The following CNTNAP5 variants were observed in gnomAD, a reference collection of about 807,000 sequenced individuals.
The protein encoded by CNTNAP5 is contactin-associated protein-like 5.
Under a neutral mutation model 150.2 loss-of-function variants are expected in CNTNAP5, and 72 were observed. That is an observed-to-expected ratio of 0.48 (90% CI 0.40 to 0.58). The LOEUF (loss-of-function observed/expected upper bound fraction) is 0.58. CNTNAP5 is among the 20% of genes least tolerant of loss of function. The probability of loss-of-function intolerance (pLI) is 0.00; values close to 1 mark genes in which losing one functional copy is unlikely to be tolerated. For missense variants in CNTNAP5, 1,636 were observed against 1,626.2 expected (o/e 1.01, Z -0.10); for synonymous variants, 672 against 619.8 (o/e 1.08, Z -1.25).
At chr2:124,880,803 A>C (rs1009612082) in intron 21 of CNTNAP5, among the ~76,000 whole-genome samples, 27 of 152,166 alleles carry the variant, frequency 1.8e-4, no homozygotes, top group African/African-American at 6.3e-4. Context: ...TAAGTGCTTT[A>C]CAGATGGAGT....
At chr2:124,454,787 A>G (rs1181404533) in intron 6 of CNTNAP5, among the ~76,000 whole-genome samples, 1 of 152,164 alleles carries the variant, frequency 6.6e-6, no homozygotes, top group African/African-American at 2.4e-5. Context: ...CCACTCCTGA[A>G]TGATCATTTG....
chr2:124,621,383 A>T (rs2104997299), intron 12 of CNTNAP5, among the ~76,000 whole-genome samples: 1 of 152,280 alleles, frequency 6.6e-6, no homozygotes, highest in African/African-American at 2.4e-5. Flanking sequence ...AGCGAAACTT[A>T]TTTTCCATTC....
At chr2:124,685,578 T>C (rs10496638) in intron 13 of CNTNAP5, among the ~76,000 whole-genome samples, 24,668 of 152,164 alleles carry the variant, frequency 0.16, 2,182 homozygotes, top group Non-Finnish European at 0.21. Flanking sequence ...TGCTCAATCC[T>C]GAATCACTAA....
rs70996049 is a variant in CNTNAP5 at position 124,199,413 on chromosome 2, C to CTTTTTTTTTTTTTTTTTTTTTTTTTTT, written c.83-22273_83-22272insTTTTTTTTTTTTTTTTTTTTTTTTTTT. Among the ~76,000 whole-genome samples, 2 of 110,048 alleles carry CTTTTTTTTTTTTTTTTTTTTTTTTTTT rather than the reference C, an allele frequency of 1.8e-5. 1 individual carries two copies. Among genetic ancestry groups the CTTTTTTTTTTTTTTTTTTTTTTTTTTT allele is most frequent in the Non-Finnish European group, 3.5e-5 (2 of 57,856 alleles). 72.2% of individuals were successfully genotyped at this position (110,048 alleles called of 152,430 possible). On this transcript the variant is annotated intron_variant, in intron 1 of 23. Coordinates refer to ENST00000682447, the MANE Select transcript of CNTNAP5 (RefSeq NM_001367498.1). ...ATTTTGTTACATTTATTCCAAGGTT[C>CTTTTTTTTTTTTTTTTTTTTTTTTTTT]TTTTTTTTTTTTTTTTTTTGAGACG...
At position 124,480,500 on chromosome 2, in the gene CNTNAP5, C is replaced by A. The variant is rs550152655; in HGVS notation, c.1062+5618C>A. ...AAGGGTGGACATGAGAGCACACACA[C>A]ATTTACATCTGCAGGTGCACACATA... On this transcript the variant is annotated intron_variant, in intron 7 of 23. Coordinates refer to ENST00000682447, the MANE Select transcript of CNTNAP5 (RefSeq NM_001367498.1). Among the ~76,000 whole-genome samples, 7 of 152,294 alleles carry A rather than the reference C, an allele frequency of 4.6e-5. No homozygotes were observed. In the South Asian group the frequency reaches 1.2e-3, roughly 27 times the overall value.
chr2:124,621,811 T>C (rs1325798751), intron 12 of CNTNAP5, among the ~76,000 whole-genome samples: 2 of 152,152 alleles, frequency 1.3e-5, no homozygotes, highest in East Asian at 3.8e-4. Flanking sequence ...TCCCCAGCCT[T>C]CTTAGGATGT....
chr2:124,313,706 T>G (rs1688889376), intron 3 of CNTNAP5, among the ~76,000 whole-genome samples: 1 of 152,216 alleles, frequency 6.6e-6, no homozygotes, highest in Non-Finnish European at 1.5e-5. Context: ...CCATCATGTC[T>G]TTGTGGCTAA....
intron 3 of CNTNAP5, among the ~76,000 whole-genome samples, chr2:124,254,153 T>C (rs1478514797): frequency 6.6e-6 from 1 of 152,176 alleles, no homozygotes; most frequent in East Asian, 1.9e-4. Context: ...GTCCCTGACA[T>C]ATAAAAAGTA....
At chr2:124,473,000 A>G (rs978896722) in intron 6 of CNTNAP5, among the ~76,000 whole-genome samples, 6 of 152,070 alleles carry the variant, frequency 3.9e-5, no homozygotes, top group Non-Finnish European at 8.8e-5. Context: ...ATAACTAAAG[A>G]GTATATGATT....
chr2:124,801,636 T>A (rs1681969367), intron 19 of CNTNAP5, among the ~76,000 whole-genome samples: 1 of 152,216 alleles, frequency 6.6e-6, no homozygotes, highest in African/African-American at 2.4e-5. Context: ...TACATTAATA[T>A]TTCTTTCTGT....
chr2:124,029,172 T>G (rs1680974767), intron 1 of CNTNAP5, among the ~76,000 whole-genome samples: 1 of 152,106 alleles, frequency 6.6e-6, no homozygotes, highest in African/African-American at 2.4e-5. Context: ...ATTCATCATA[T>G]GTAGAATTTC....
intron 13 of CNTNAP5, among the ~76,000 whole-genome samples, chr2:124,704,024 A>G (rs148044670): frequency 4.3e-4 from 65 of 152,340 alleles, no homozygotes; most frequent in African/African-American, 1.6e-3. Context: ...AGCTGTCACC[A>G]TTCGAACAGC....
chr2:124,199,590 T>C (rs992685058), intron 1 of CNTNAP5, among the ~76,000 whole-genome samples: 2 of 151,940 alleles, frequency 1.3e-5, no homozygotes, highest in African/African-American at 2.4e-5. Flanking sequence ...TAATTTTTTA[T>C]TTGTAGTAGA....
chr2:124,680,771 G>T (rs533703125), intron 13 of CNTNAP5: 1 of 151,950 alleles, frequency 6.6e-6, no homozygotes, highest in African/African-American at 2.4e-5. Context: ...AAACATTGTT[G>T]TAAGGATGAT....
At position 124,184,424 on chromosome 2, in the gene CNTNAP5, A is replaced by C. The variant is rs1031085412; in HGVS notation, c.83-37281A>C. ...TAGTTACATTTCAGATAAAGAATGAATCTTTTCTTTCAGTATCAACATGTC... is the reference window on the plus strand; with the variant it reads ...TAGTTACATTTCAGATAAAGAATGACTCTTTTCTTTCAGTATCAACATGTC... On this transcript the variant is annotated intron_variant, in intron 1 of 23. Coordinates refer to ENST00000682447, the MANE Select transcript of CNTNAP5 (RefSeq NM_001367498.1). Among the ~76,000 whole-genome samples, 10 of 152,182 alleles carry C rather than the reference A, an allele frequency of 6.6e-5. 1 individual carries two copies. Among genetic ancestry groups the C allele is most frequent in the Admixed American group, 6.5e-4 (10 of 15,276 alleles).
chr2:124,608,181 A>T (rs552913106), intron 11 of CNTNAP5, among the ~76,000 whole-genome samples: 1 of 152,220 alleles, frequency 6.6e-6, no homozygotes, highest in East Asian at 1.9e-4. Flanking sequence ...TTGGTACTAT[A>T]TCTTGAAAGC....
At chr2:124,206,718 G>A (rs1685873192) in intron 1 of CNTNAP5, among the ~76,000 whole-genome samples, 1 of 152,140 alleles carries the variant, frequency 6.6e-6, no homozygotes, top group Admixed American at 6.5e-5. Flanking sequence ...CTACATTTTT[G>A]TAAAGGTAAT....
intron 19 of CNTNAP5, among the ~76,000 whole-genome samples, chr2:124,799,258 G>T (rs766162115): frequency 6.6e-5 from 10 of 152,146 alleles, no homozygotes; most frequent in Non-Finnish European, 1.5e-4. Context: ...GATAAGCAAG[G>T]TGGAATACAC....
intron 11 of CNTNAP5, among the ~76,000 whole-genome samples, chr2:124,583,065 G>T (rs934359734): frequency 6.6e-6 from 1 of 152,004 alleles, no homozygotes; most frequent in Admixed American, 6.5e-5. Context: ...ATTGAATTGG[G>T]GATATCCATG....
Sources: allele counts gnomAD v4.1 joint callset (sites outside exome capture counted in the v4.1 genomes callset), GRCh38; gene constraint gnomAD v4.1.1; transcripts MANE v1.5; gene names NCBI Gene and HGNC (gene_info 2026-07-23, HGNC 2026-07-21).